The following PTPRD variants were observed in gnomAD, a reference collection of about 807,000 sequenced individuals.
PTPRD encodes the protein receptor-type tyrosine-protein phosphatase delta.
In PTPRD, 34 loss-of-function variants were observed where a neutral mutation model predicts 214.5. The observed-to-expected ratio is 0.16, with a 90% CI of 0.12 to 0.21. The LOEUF (loss-of-function observed/expected upper bound fraction) is 0.21. PTPRD is among the 10% of genes least tolerant of loss of function. PTPRD has a pLI of 1.00. For missense variants in PTPRD, 2,545 were observed against 2,398.7 expected, an observed-to-expected ratio of 1.06 and a Z score of -1.27; for synonymous variants, 1,128 against 845.7, an observed-to-expected ratio of 1.33 and a Z score of -5.79.
At chr9:9,290,650 C>T (rs940631869) in intron 9 of PTPRD, among the ~76,000 whole-genome samples, 6 of 151,322 alleles carry the variant, frequency 4.0e-5, no homozygotes, top group South Asian at 4.1e-4. Context: ...AAGCCAAACT[C>T]GGTTAATGAC....
At chr9:8,761,018 A>C (rs1253201510) in intron 11 of PTPRD, among the ~76,000 whole-genome samples, 1 of 152,202 alleles carries the variant, frequency 6.6e-6, no homozygotes, top group Non-Finnish European at 1.5e-5. Flanking sequence ...TAAAAGGTTT[A>C]TAATTTGGGG....
chr9:8,810,399 A>T (rs1164290316), intron 11 of PTPRD, among the ~76,000 whole-genome samples: 2 of 152,108 alleles, frequency 1.3e-5, no homozygotes, highest in Non-Finnish European at 2.9e-5. Flanking sequence ...GCCTCAATTC[A>T]AACATCACCC....
chr9:9,026,188 C>T (rs1479143195), intron 10 of PTPRD, among the ~76,000 whole-genome samples: 1 of 151,816 alleles, frequency 6.6e-6, no homozygotes, highest in African/African-American at 2.4e-5. Context: ...AACAGCCATG[C>T]CACAAGGAAG....
intron 9 of PTPRD, among the ~76,000 whole-genome samples, chr9:9,291,378 G>A (rs1212615754): frequency 6.6e-6 from 1 of 151,406 alleles, no homozygotes; most frequent in East Asian, 1.9e-4. Context: ...GAAATGTCAG[G>A]CTTTCATGTC....
intron 2 of PTPRD, among the ~76,000 whole-genome samples, chr9:10,560,273 T>C (rs973190341): frequency 2.6e-5 from 4 of 151,902 alleles, no homozygotes; most frequent in South Asian, 2.1e-4. Flanking sequence ...ATGGATGAAA[T>C]TGGAAATCAT....
intron 11 of PTPRD, among the ~76,000 whole-genome samples, chr9:9,018,096 C>T (rs28698235): frequency 0.058 from 8,808 of 152,072 alleles, 332 homozygotes; most frequent in African/African-American, 0.1. Flanking sequence ...TCTTCCCTTA[C>T]TCATTTGCTT....
At chr9:10,081,861 T>C (rs2098243793) in intron 3 of PTPRD, among the ~76,000 whole-genome samples, 5 of 152,104 alleles carry the variant, frequency 3.3e-5, no homozygotes, top group Admixed American at 3.3e-4. Context: ...TATTAATCAT[T>C]TGATTACGGT....
At chr9:8,566,100 ATGTGTGTGTG>A (rs139478736) in intron 14 of PTPRD, among the ~76,000 whole-genome samples, 106 of 137,882 alleles carry the variant, frequency 7.7e-4, no homozygotes, top group East Asian at 2.8e-3. Context: ...AATGCAAAAT[ATGTGTGTGTG>A]TGTGTGTGTG....
chr9:8,826,296 T>G (rs2097173812), intron 11 of PTPRD, among the ~76,000 whole-genome samples: 1 of 152,152 alleles, frequency 6.6e-6, no homozygotes, highest in South Asian at 2.1e-4. Context: ...GCATCCAGAA[T>G]AATTTATATA....
intron 5 of PTPRD, among the ~76,000 whole-genome samples, chr9:9,796,725 A>G (rs1021802665): frequency 3.3e-5 from 5 of 152,210 alleles, no homozygotes; most frequent in African/African-American, 1.2e-4. Context: ...GGACTTCATG[A>G]AAAACCTAAA....
chr9:9,402,986 A>AC (rs1569568019), intron 8 of PTPRD, among the ~76,000 whole-genome samples: 32 of 147,002 alleles, frequency 2.2e-4, no homozygotes, highest in African/African-American at 6.1e-4. Context: ...AAAAAAAAAA[A>AC]AAACACCAAA....
intron 5 of PTPRD, among the ~76,000 whole-genome samples, chr9:9,772,651 T>C (rs1236856517): frequency 6.6e-6 from 1 of 152,162 alleles, no homozygotes; most frequent in East Asian, 1.9e-4. Context: ...AATAGCTTAG[T>C]ATATATCTGT....
At chr9:8,822,194 A>C (rs966045065) in intron 11 of PTPRD, among the ~76,000 whole-genome samples, 2 of 152,166 alleles carry the variant, frequency 1.3e-5, no homozygotes, top group African/African-American at 4.8e-5. Context: ...CTCTGTACCA[A>C]GTTGAGTCAC....
chr9:8,837,280 G>A (rs549915550), intron 11 of PTPRD, among the ~76,000 whole-genome samples: 5 of 152,012 alleles, frequency 3.3e-5, no homozygotes, highest in Non-Finnish European at 5.9e-5. Flanking sequence ...CTCCCGAAGT[G>A]CTGGGATTAC....
chr9:9,747,544 T>G (rs1023127575), intron 6 of PTPRD, among the ~76,000 whole-genome samples: 15 of 146,594 alleles, frequency 1.0e-4, no homozygotes, highest in African/African-American at 4.0e-4. Context: ...TTTTTGTTTT[T>G]TTTTTTTTTT....
chr9:8,401,564 TAAAA>T (rs2092398058), intron 36 of PTPRD, among the ~76,000 whole-genome samples: 5 of 152,136 alleles, frequency 3.3e-5, no homozygotes, highest in Non-Finnish European at 7.4e-5. Flanking sequence ...CTAGCCTAAA[TAAAA>T]TGACTGTGAT....
At chr9:10,168,979 G>A (rs80245943) in intron 3 of PTPRD, among the ~76,000 whole-genome samples, 3,212 of 152,210 alleles carry the variant, frequency 0.021, 47 homozygotes, top group Middle Eastern at 0.054. Context: ...CCTGTCAGGA[G>A]TTTATTGCAG....
intron 14 of PTPRD, among the ~76,000 whole-genome samples, chr9:8,582,128 A>T (rs1256594389): frequency 6.6e-6 from 1 of 152,174 alleles, no homozygotes; most frequent in Non-Finnish European, 1.5e-5. Context: ...CTCGGACATA[A>T]GTAGGGAAAT....
At position 10,222,290 on chromosome 9, in the gene PTPRD, G is replaced by A. The variant is rs147821315; in HGVS notation, c.-545+118673C>T. On this transcript the variant is annotated intron_variant, in intron 3 of 45. Coordinates refer to ENST00000381196, the MANE Select transcript of PTPRD (RefSeq NM_002839.4). ...GGTATTTACTACAGTTGTTTGTTCT[G>A]TTCATCTGTTGCTTTTTTAGGAAAA... Among the ~76,000 whole-genome samples the A allele has an allele frequency of 5.0e-3, 767 of 152,084 alleles. 4 individuals carry two copies. Among genetic ancestry groups the A allele is most frequent in the Middle Eastern group, 0.017 (5 of 294 alleles).
Sources: allele counts gnomAD v4.1 joint callset (sites outside exome capture counted in the v4.1 genomes callset), GRCh38; gene constraint gnomAD v4.1.1; transcripts MANE v1.5; gene names NCBI Gene and HGNC (gene_info 2026-07-23, HGNC 2026-07-21).